Variants in RPS15A observed in about 807,000 individuals in gnomAD.
RPS15A encodes small ribosomal subunit protein uS8.
For missense variants in RPS15A, 62 were observed against 163.4 expected, an observed-to-expected ratio of 0.38 and a Z score of 3.38; for synonymous variants, 55 against 58.5, an observed-to-expected ratio of 0.94 and a Z score of 0.27.
intron 4 of RPS15A, 154 bp from the exon 5 acceptor site, chr16:18,783,256 A>G: frequency 3.4e-6 from 2 of 586,204 alleles, no homozygotes; most frequent in Non-Finnish European, 6.1e-6. Flanking sequence ...TGCCTCATGT[A>G]GCGTATGAGC....
chr16:18,787,220 CCT>C (rs1567287723), intron 3 of RPS15A, among the ~76,000 whole-genome samples: 1 of 152,184 alleles, frequency 6.6e-6, no homozygotes, highest in African/African-American at 2.4e-5. Flanking sequence ...CTCTTTCCCC[CCT>C]ATCTGTTGCA....
chr16:18,788,765 C>T (rs1230955665), intron 2 of RPS15A: 3 of 498,178 alleles, frequency 6.0e-6, no homozygotes, highest in African/African-American at 5.9e-5. Flanking sequence ...ATTCATTTAG[C>T]TCCCAAACAC....
chr16:18,784,629 T>C, intron 4 of RPS15A, 109 bp downstream of exon 4: 2 of 783,986 alleles, frequency 2.6e-6, no homozygotes, highest in East Asian at 5.0e-5. Flanking sequence ...AGTAGACAAA[T>C]TACCACTGCT....
chr16:18,789,394 G>A (rs572526512), intron 1 of RPS15A, among the ~76,000 whole-genome samples: 5 of 152,316 alleles, frequency 3.3e-5, no homozygotes, highest in Admixed American at 3.3e-4. Context: ...CCAACGTCTG[G>A]AGATAATAAA....
chr16:18,788,109 T>C lies in RPS15A; in HGVS notation c.167A>G (p.His56Arg). ...YIGEFEIIDD[H>R]RAGKIVVNLT... ...GTTCACAACAATTTTCCCAGCTCTG[T>C]GGTCATCAATGATTTCAAATTCGCC... The change falls in exon 3 of 5, where the codon CAC (histidine) becomes CGC (arginine). Residue 56 changes from histidine to arginine, a missense_variant. By Grantham distance (29) the His-to-Arg change is conservative. Coordinates refer to ENST00000322989, the MANE Select transcript of RPS15A (RefSeq NM_001019.5). 3.1e-6 allele frequency: 5 copies of C among 1,612,524 alleles called. No homozygotes were observed. Among genetic ancestry groups the C allele is most frequent in the Admixed American group, 1.7e-5 (1 of 60,014 alleles).
chr16:18,783,862 A>G (rs547792129), intron 4 of RPS15A: 1 of 367,946 alleles, frequency 2.7e-6, no homozygotes, highest in Non-Finnish European at 5.3e-6. Context: ...GCTTTAAAGC[A>G]GAAAAACAAG....
intron 4 of RPS15A, chr16:18,783,944 A>C (rs1165073551): frequency 3.2e-6 from 1 of 313,156 alleles, no homozygotes; most frequent in Non-Finnish European, 6.3e-6. Context: ...TAGGCTTAGA[A>C]CTGATTCTGG....
chr16:18,783,124 T>C, intron 4 of RPS15A, 22 bp from the exon 5 acceptor site: 2 of 1,518,960 alleles, frequency 1.3e-6, no homozygotes, highest in South Asian at 1.1e-5. Flanking sequence ...AAAAAGAAAG[T>C]GCTGGTAAGT....
At chr16:18,789,729 G>A (rs1480265494) in intron 1 of RPS15A, among the ~76,000 whole-genome samples, 1 of 152,130 alleles carries the variant, frequency 6.6e-6, no homozygotes, top group African/African-American at 2.4e-5. Context: ...TCTTCTAATG[G>A]GCAAGAACCG....
chr16:18,789,069 G>A lies in RPS15A; in HGVS notation c.45C>T (p.Asn15=), dbSNP rs746205445. The A allele has an allele frequency of 1.9e-6, 3 of 1,614,052 alleles. No individual in the cohort carries two copies. Among genetic ancestry groups the A allele is most frequent in the Non-Finnish European group, 2.5e-6 (3 of 1,179,918 alleles). The change falls in exon 2 of 5, where the codon AAC becomes AAT. Residue 15 remains asparagine (N), a synonymous_variant. Transcript: ENST00000322989. ...GGCGTTTGCCTCTCTTTTCGGCATT[G>A]TTGATACTCTTGAGAGCATCTGCCA... ...NVLADALKSI[N]NAEKRGKRQV...
In RPS15A at chr16:18,788,871, C is replaced by T. The variant is rs1372884038; in HGVS notation, c.133+110G>A. 4.3e-6 allele frequency: 5 copies of T among 1,157,938 alleles called. No homozygotes were observed. In the Admixed American group the frequency reaches 6.5e-5, roughly 15 times the overall value. The allele number at this position is 1,157,938 out of a possible 1,614,324, so 71.7% of individuals were successfully genotyped here. A position where few individuals can be genotyped will look rare whatever the true frequency, so the allele number is the denominator to read the frequency against. On this transcript the variant is annotated intron_variant, in intron 2 of 4. Transcript: ENST00000322989. Reference sequence around the variant, plus strand: ...CCACAGCCCACAGGTCAATTGCATTCGTTCTCAGGTATGACAGACATACTT... The same window carrying T: ...CCACAGCCCACAGGTCAATTGCATTTGTTCTCAGGTATGACAGACATACTT...
At position 18,788,256 on chromosome 16, in the gene RPS15A, A is replaced by G. The variant is rs139767504; in HGVS notation, c.134-114T>C. Reference sequence around the variant, plus strand: ...CCATCACCTCAGTGACTGCTTCTCCAAAAAGTTGGGGGGAAGACAGTTGCT... The same window carrying G: ...CCATCACCTCAGTGACTGCTTCTCCGAAAAGTTGGGGGGAAGACAGTTGCT... On this transcript the variant is annotated intron_variant, in intron 2 of 4. Coordinates refer to ENST00000322989, the MANE Select transcript of RPS15A (RefSeq NM_001019.5). The G allele has an allele frequency of 2.4e-4, 170 of 701,634 alleles. No homozygotes were observed. The East Asian group carries it at 3.9e-3, about 16-fold the overall frequency. The allele number at this position is 701,634 out of a possible 1,614,324, so 43.5% of individuals were successfully genotyped here. A position where few individuals can be genotyped will look rare whatever the true frequency, so the allele number is the denominator to read the frequency against.
At chr16:18,788,017 TA>T in intron 3 of RPS15A, 45 bp downstream of exon 3, 1 of 1,198,486 alleles carries the variant, frequency 8.3e-7, no homozygotes, top group Non-Finnish European at 1.2e-6. Flanking sequence ...AACGCCACAG[TA>T]AAAAATTCTT....
chr16:18,790,321 G>A lies in RPS15A; in HGVS notation c.-83C>T, dbSNP rs958418601. 3 of 152,400 alleles carry A rather than the reference G, an allele frequency of 2.0e-5. No homozygotes were observed. Among genetic ancestry groups the A allele is most frequent in the African/African-American group, 4.8e-5 (2 of 41,454 alleles). 9.4% of individuals were successfully genotyped at this position (152,400 alleles called of 1,614,324 possible). ...AGAGTGCTACTCACCGGCGCGGAAAGATGGCGGAAAGAGGACGGGAGGGGA... is the reference window on the plus strand; with the variant it reads ...AGAGTGCTACTCACCGGCGCGGAAAAATGGCGGAAAGAGGACGGGAGGGGA... On this transcript the variant is annotated 5_prime_UTR_variant, in exon 1 of 5. Coordinates refer to ENST00000322989, the MANE Select transcript of RPS15A (RefSeq NM_001019.5).
intron 4 of RPS15A, chr16:18,784,047 C>G (rs530648757): frequency 2.8e-4 from 56 of 203,026 alleles, no homozygotes; most frequent in African/African-American, 1.1e-3. Context: ...AGTCTAAGCT[C>G]TCATGTGCCT....
chr16:18,787,830 T>C (rs1443655030), intron 3 of RPS15A, among the ~76,000 whole-genome samples: 1 of 151,956 alleles, frequency 6.6e-6, no homozygotes, highest in East Asian at 1.9e-4. Flanking sequence ...ACCCCCCATC[T>C]CTCCTGAGAC....
chr16:18,786,285 A>G, intron 3 of RPS15A: 1 of 195,622 alleles, frequency 5.1e-6, no homozygotes, highest in Non-Finnish European at 1.1e-5. Flanking sequence ...GAATCGCTTG[A>G]ACCTGGGAGA....
intron 3 of RPS15A, 147 bp from the exon 4 acceptor site, chr16:18,784,970 T>C (rs1014914345): frequency 2.7e-5 from 16 of 589,230 alleles, no homozygotes; most frequent in Non-Finnish European, 4.4e-5. Context: ...GCACAATGCT[T>C]GACATACTTT....
rs3736382 is a variant in RPS15A, at chr16:18,789,442, G to C, written c.-5-324C>G. 2.8e-3 allele frequency among the ~76,000 whole-genome samples: 427 copies of C among 152,346 alleles called. 9 individuals are homozygous for C. The highest frequency in any genetic ancestry group is 7.1e-4 in the Non-Finnish European group (48 of 68,032). Reference sequence around the variant, plus strand: ...ATCCACTTGACACAAGACAACGTGAGAACTGGCAGAAACTGCCAGCTACCG... The same window carrying C: ...ATCCACTTGACACAAGACAACGTGACAACTGGCAGAAACTGCCAGCTACCG... On this transcript the variant is annotated intron_variant, in intron 1 of 4. Coordinates refer to ENST00000322989, the MANE Select transcript of RPS15A (RefSeq NM_001019.5).
Sources: gnomAD v4.1 joint callset for allele counts (sites outside exome capture counted in the v4.1 genomes callset) on GRCh38, gnomAD v4.1.1 for gene constraint, MANE v1.5 for transcripts, NCBI Gene and HGNC (gene_info 2026-07-23, HGNC 2026-07-21) for gene names.